The following IARS2 variants were observed in gnomAD, a reference collection of about 807,000 sequenced individuals.
The protein encoded by IARS2 is isoleucyl-tRNA synthetase 2, mitochondrial.
A neutral mutation model predicts 126.3 loss-of-function variants in IARS2; 56 were observed. The observed-to-expected ratio is 0.44, with a 90% CI of 0.36 to 0.55. The LOEUF is 0.55. IARS2 is among the 20% of genes least tolerant of loss of function. IARS2 has a pLI of 0.00. For missense variants in IARS2, 1,127 were observed against 1,245.9 expected, an observed-to-expected ratio of 0.90 and a Z score of 1.44; for synonymous variants, 407 against 441.1, an observed-to-expected ratio of 0.92 and a Z score of 0.97.
At position 220,101,236 on chromosome 1, in the gene IARS2, G is replaced by A. The variant is rs552935479; in HGVS notation, c.550+587G>A. Among the ~76,000 whole-genome samples the A allele has an allele frequency of 7.9e-5, 12 of 152,182 alleles. No individual in the cohort carries two copies. In the East Asian group the frequency reaches 2.1e-3, roughly 27 times the overall value. On this transcript the variant is annotated intron_variant, in intron 3 of 22. Coordinates refer to ENST00000366922, the MANE Select transcript of IARS2 (RefSeq NM_018060.4). ...TTTTCTTAAATTAAGAAACAATAAG[G>A]AATAATTTTTCCAGTTTATTTGTCC...
chr1:220,108,957 T>C (rs1656744594), intron 10 of IARS2, among the ~76,000 whole-genome samples: 1 of 151,590 alleles, frequency 6.6e-6, no homozygotes, highest in South Asian at 2.1e-4. Context: ...ACTATTGATT[T>C]CTGTTTCTCC....
intron 11 of IARS2, among the ~76,000 whole-genome samples, chr1:220,112,859 GTATT>G (rs969327613): frequency 1.3e-5 from 2 of 150,634 alleles, no homozygotes; most frequent in South Asian, 4.2e-4. Context: ...GATAAACTCT[GTATT>G]TATTTATTTA....
chr1:220,108,655 G>A (rs1328460602), intron 10 of IARS2, among the ~76,000 whole-genome samples: 2 of 151,718 alleles, frequency 1.3e-5, no homozygotes, highest in African/African-American at 2.4e-5. Context: ...AAAATGCTGG[G>A]TTTACAGGCA....
intron 22 of IARS2, among the ~76,000 whole-genome samples, chr1:220,146,703 C>T (rs1657601248): frequency 6.6e-6 from 1 of 152,038 alleles, no homozygotes; most frequent in African/African-American, 2.4e-5. Flanking sequence ...GACGGAATTT[C>T]GCTTGTCACC....
intron 10 of IARS2, among the ~76,000 whole-genome samples, chr1:220,110,022 G>GC (rs1384897899): frequency 5.3e-5 from 8 of 152,104 alleles, no homozygotes; most frequent in African/African-American, 1.7e-4. Context: ...CCCAGAGCAC[G>GC]CCTTTGATAC....
At position 220,140,188 on chromosome 1, in the gene IARS2, C is replaced by T. The variant is rs147818631; in HGVS notation, c.2313C>T (p.Thr771=). 221 of 1,602,758 alleles carry T rather than the reference C, an allele frequency of 1.4e-4. 3 individuals are homozygous for T. The South Asian group carries it at 1.4e-3, about 10-fold the overall frequency. The stretch of plus-strand genomic sequence containing the variant: ...ATTTTGGCTTTGTTCCCTAGATTAC[C>T]GAATTATACAAACAATATGATTTTG... ...HLLQDLANKI[T]ELYKQYDFGK... Residue 771 remains threonine, a synonymous_variant, in exon 19 of 23, where the codon ACC becomes ACT. Coordinates refer to ENST00000366922, the MANE Select transcript of IARS2 (RefSeq NM_018060.4).
rs148564492 is a variant in IARS2, at chr1:220,102,769, T to C, written c.942T>C (p.Pro314=). 5.4e-4 allele frequency: 865 copies of C among 1,601,148 alleles called. 4 individuals carry two copies. The African/African-American group carries it at 0.011, about 20-fold the overall frequency. Residue 314 remains proline, a synonymous_variant, in exon 7 of 23, where the codon CCT becomes CCC. Coordinates refer to ENST00000366922, the MANE Select transcript of IARS2 (RefSeq NM_018060.4). ...IPANEAVCYM[P]ESKYAVVKCS... ...CCAATGAAGCTGTTTGCTATATGCC[T>C]GAATCAAAGTGGGTATATTATTGCA... is the stretch of plus-strand genomic sequence containing the variant.
Position 220,130,627 on chromosome 1 carries a change from G to A in IARS2, c.1838-3775G>A, listed in dbSNP as rs1571859643. 5.3e-5 allele frequency among the ~76,000 whole-genome samples: 8 copies of A among 152,142 alleles called. 1 individual carries two copies. The highest frequency in any genetic ancestry group is 1.9e-4 in the East Asian group (1 of 5,160). ...GGCTGGAGTGCAGTGGCACGATCTT[G>A]GCTCACTGCAAGCTCCGCCTCCTGG... On this transcript the variant is annotated intron_variant, in intron 14 of 22. Coordinates refer to ENST00000366922, the MANE Select transcript of IARS2 (RefSeq NM_018060.4).
At chr1:220,136,634 C>G (rs74728551) in intron 15 of IARS2, among the ~76,000 whole-genome samples, 175 bp from the exon 16 acceptor site, 2 of 63,126 alleles carry the variant, frequency 3.2e-5, no homozygotes, top group Admixed American at 3.3e-4. Flanking sequence ...GACTCCATCT[C>G]AAAAAAAAAA....
intron 14 of IARS2, among the ~76,000 whole-genome samples, chr1:220,133,943 G>C (rs1257309775): frequency 6.7e-6 from 1 of 149,048 alleles, no homozygotes; most frequent in African/African-American, 2.5e-5. Context: ...GGTGGAAAGA[G>C]GAAAAAAAAA....
At chr1:220,140,786 C>A (rs981049069) in intron 19 of IARS2, among the ~76,000 whole-genome samples, 1 of 151,944 alleles carries the variant, frequency 6.6e-6, no homozygotes, top group Non-Finnish European at 1.5e-5. Flanking sequence ...AGATCGAGAC[C>A]ATCCTGGCTA....
intron 14 of IARS2, among the ~76,000 whole-genome samples, chr1:220,131,328 C>T (rs933056718): frequency 4.0e-5 from 6 of 151,890 alleles, no homozygotes; most frequent in African/African-American, 1.5e-4. Context: ...AGTCATGTGC[C>T]ACCACACTCG....
chr1:220,129,730 T>C (rs1657221539), intron 14 of IARS2, among the ~76,000 whole-genome samples: 1 of 152,226 alleles, frequency 6.6e-6, no homozygotes. Flanking sequence ...TGTATATTTA[T>C]CACATTTTCT....
At chr1:220,130,509 T>A (rs1191933848) in intron 14 of IARS2, among the ~76,000 whole-genome samples, 2 of 152,182 alleles carry the variant, frequency 1.3e-5, no homozygotes, top group Non-Finnish European at 2.9e-5. Context: ...TAGATTTAAG[T>A]CTCTCTTTTG....
chr1:220,108,856 CTTTTTTTT>C lies in IARS2; in HGVS notation c.1327+1724_1327+1731del, dbSNP rs35836043. Among the ~76,000 whole-genome samples the C allele has an allele frequency of 5.0e-4, 34 of 68,250 alleles. No individual in the cohort carries two copies. The East Asian group carries it at 6.7e-3, about 13-fold the overall frequency. The allele number at this position is 68,250 out of a possible 152,430, so 44.8% of individuals were successfully genotyped here. Reference sequence around the variant, plus strand: ...TCTTAAATGTCTCTCTGTGAATCCTCTTTTTTTTTTTTTTTTTTTTTTTTTTATTGGAG... The same window carrying C: ...TCTTAAATGTCTCTCTGTGAATCCTCTTTTTTTTTTTTTTTTTTATTGGAG... On this transcript the variant is annotated intron_variant, in intron 10 of 22. Transcript: ENST00000366922.
intron 22 of IARS2, among the ~76,000 whole-genome samples, chr1:220,147,174 G>A (rs1657614349): frequency 6.6e-6 from 1 of 152,208 alleles, no homozygotes; most frequent in African/African-American, 2.4e-5. Context: ...TGGAGAGGCA[G>A]TGTCATTCAT....
At position 220,147,457 on chromosome 1, in the gene IARS2, G is replaced by C. The variant is rs1397325490; in HGVS notation, c.2897-36G>C. ...TAAGAAACAGTGTTACAAGTTGAAT[G>C]CCTATCAGAAATACTCTTCATGTAT... On this transcript the variant is annotated intron_variant, in intron 22 of 22. Coordinates refer to ENST00000366922, the MANE Select transcript of IARS2 (RefSeq NM_018060.4). The C allele has an allele frequency of 4.4e-6, 7 of 1,604,140 alleles. No homozygotes were observed. The South Asian group carries it at 4.4e-5, about 10-fold the overall frequency.
intron 15 of IARS2, among the ~76,000 whole-genome samples, chr1:220,135,607 T>G (rs1238486496): frequency 6.7e-6 from 1 of 148,798 alleles, no homozygotes; most frequent in Admixed American, 6.8e-5. Context: ...GGATTCACCC[T>G]CCTGAGCCTC....
rs1187948241 is a variant in IARS2, at chr1:220,137,966, G to A, written c.2098G>A (p.Val700Ile). ...PYGADVLRWW[V>I]ADSNVFTEVA... The stretch of plus-strand genomic sequence containing the variant: ...TGGTGCTGATGTCCTTCGCTGGTGG[G>A]TAGCTGATTCCAATGTCTTCACCGA... The change falls in exon 17 of 23, where the codon GTA becomes ATA. Residue 700 changes from valine (V) to isoleucine (I), a missense_variant. Transcript: ENST00000366922. 1 of 1,614,016 alleles carries A rather than the reference G, an allele frequency of 6.2e-7. No individual in the cohort carries two copies. The highest frequency in any genetic ancestry group is 8.5e-7 in the Non-Finnish European group (1 of 1,180,018).
Sources: gnomAD v4.1 joint callset for allele counts (sites outside exome capture counted in the v4.1 genomes callset) on GRCh38, gnomAD v4.1.1 for gene constraint, MANE v1.5 for transcripts, NCBI Gene and HGNC (gene_info 2026-07-23, HGNC 2026-07-21) for gene names.